Variants in KSR2 observed in about 807,000 individuals in gnomAD.
The protein encoded by KSR2 is kinase suppressor of ras 2.
A neutral mutation model predicts 107.8 loss-of-function variants in KSR2; 25 were observed. The observed-to-expected ratio is 0.23, with a 90% CI of 0.17 to 0.32. KSR2 has a LOEUF of 0.32. Ranked by LOEUF, KSR2 falls within the 10% of genes least tolerant of loss-of-function variation. The pLI, the probability that KSR2 is intolerant of heterozygous loss-of-function variation, is 1.00. For synonymous variants in KSR2, 480 were observed against 507.0 expected, an observed-to-expected ratio of 0.95 and a Z score of 0.71; for missense variants, 887 against 1,268.9, an observed-to-expected ratio of 0.70 and a Z score of 4.57.
chr12:117,483,803 C>T (rs922002123), intron 16 of KSR2, among the ~76,000 whole-genome samples: 2 of 152,156 alleles, frequency 1.3e-5, no homozygotes, highest in Non-Finnish European at 2.9e-5. Flanking sequence ...CTACCCTTTG[C>T]GGAGCTTTTG....
chr12:117,655,347 C>T (rs1210999830), intron 5 of KSR2, among the ~76,000 whole-genome samples: 6 of 152,204 alleles, frequency 3.9e-5, no homozygotes, highest in African/African-American at 1.4e-4. Context: ...TACCATGTTC[C>T]CCATCATCCT....
chr12:117,673,338 TG>T (rs1275417041), intron 4 of KSR2, among the ~76,000 whole-genome samples: 3 of 150,122 alleles, frequency 2.0e-5, no homozygotes, highest in Non-Finnish European at 4.4e-5. Context: ...GAAGGGAGGA[TG>T]GGGGAGGAAG....
Position 117,462,411 on chromosome 12 carries a change from T to C in KSR2, c.*4788A>G, listed in dbSNP as rs1223813267. ...TCGTGTCCTTATAAGAAGATGGCCA[T>C]ATGAAGATAGGGACACACAGAGAGA... On this transcript the variant is annotated 3_prime_UTR_variant, in exon 20 of 20. Transcript: ENST00000339824. 1.3e-5 allele frequency: 2 copies of C among 151,878 alleles called. No individual in the cohort carries two copies. The highest frequency in any genetic ancestry group is 2.9e-5 in the Non-Finnish European group (2 of 68,010). 9.4% of individuals were successfully genotyped at this position (151,878 alleles called of 1,614,324 possible).
chr12:117,836,988 T>C (rs906582401), intron 3 of KSR2, among the ~76,000 whole-genome samples: 4 of 152,250 alleles, frequency 2.6e-5, no homozygotes, highest in Admixed American at 2.6e-4. Context: ...TGCATTTCAA[T>C]GTTCCTTCTT....
At chr12:117,668,743 A>T (rs1884775427) in intron 4 of KSR2, among the ~76,000 whole-genome samples, 1 of 152,142 alleles carries the variant, frequency 6.6e-6, no homozygotes, top group South Asian at 2.1e-4. Flanking sequence ...TATCATTATT[A>T]TATTATGGAT....
intron 8 of KSR2, 82 bp downstream of exon 8, chr12:117,558,424 A>C: frequency 1.8e-6 from 2 of 1,089,588 alleles, no homozygotes; most frequent in Non-Finnish European, 2.8e-6. Flanking sequence ...TTCAGAACCA[A>C]CCTGATGGGA....
rs554428353 is a variant in KSR2, at chr12:117,731,785, T to C, written c.986+29226A>G. Among the ~76,000 whole-genome samples the C allele has an allele frequency of 4.5e-4, 68 of 151,618 alleles. No individual in the cohort carries two copies. The South Asian group carries it at 5.7e-3, about 13-fold the overall frequency. ...TGTGCTGTGTCCACTCAGGGTTAAA[T>C]GGATTAAGGGCGGTGCAAGATGTGC... On this transcript the variant is annotated intron_variant, in intron 4 of 19. Transcript: ENST00000339824.
In KSR2 at chr12:117,746,405, T is replaced by C. The variant is rs1040734509; in HGVS notation, c.986+14606A>G. ...TGCAGAAAACAGAAACTGGACCCCT[T>C]CCTTACACTGCATACAAAAATTAAC... On this transcript the variant is annotated intron_variant, in intron 4 of 19. Transcript: ENST00000339824. Among the ~76,000 whole-genome samples the C allele has an allele frequency of 7.9e-4, 120 of 152,106 alleles. 1 individual carries two copies. The highest frequency in any genetic ancestry group is 2.5e-4 in the Non-Finnish European group (17 of 68,018).
At chr12:117,675,141 T>G (rs1885065571) in intron 4 of KSR2, among the ~76,000 whole-genome samples, 1 of 152,158 alleles carries the variant, frequency 6.6e-6, no homozygotes, top group Non-Finnish European at 1.5e-5. Flanking sequence ...TTAGAATGCA[T>G]CCCAGCTGGA....
At chr12:117,908,871 C>T (rs962618342) in intron 1 of KSR2, among the ~76,000 whole-genome samples, 5 of 152,146 alleles carry the variant, frequency 3.3e-5, no homozygotes, top group Admixed American at 2.0e-4. Flanking sequence ...AGTGAAATGT[C>T]CTACTCAATT....
At chr12:117,605,900 A>T (rs1881203000) in intron 5 of KSR2, among the ~76,000 whole-genome samples, 1 of 152,198 alleles carries the variant, frequency 6.6e-6, no homozygotes, top group Admixed American at 6.5e-5. Flanking sequence ...GCGTGTTCTC[A>T]CTTATAAGTG....
chr12:117,630,405 G>A (rs1882749360), intron 5 of KSR2, among the ~76,000 whole-genome samples: 1 of 152,134 alleles, frequency 6.6e-6, no homozygotes, highest in African/African-American at 2.4e-5. Flanking sequence ...ACATGTGTGT[G>A]CATGTGTAAA....
chr12:117,467,925 T>TG (rs1871239608), intron 19 of KSR2: 2 of 373,196 alleles, frequency 5.4e-6, no homozygotes, highest in Non-Finnish European at 1.0e-5. Context: ...CTGTGTTTTT[T>TG]TTTTTTTTTT....
chr12:117,909,493 T>C (rs1894952446), intron 1 of KSR2, among the ~76,000 whole-genome samples: 1 of 152,248 alleles, frequency 6.6e-6, no homozygotes. Context: ...AAGTGTGGTA[T>C]GTGTATGCCT....
intron 1 of KSR2, among the ~76,000 whole-genome samples, chr12:117,872,571 A>G (rs1893686605): frequency 6.6e-6 from 1 of 152,144 alleles, no homozygotes; most frequent in African/African-American, 2.4e-5. Flanking sequence ...TCTCCAAAAA[A>G]AAAAAAAAAT....
intron 1 of KSR2, among the ~76,000 whole-genome samples, chr12:117,930,986 G>C (rs1226932607): frequency 6.6e-6 from 1 of 152,060 alleles, no homozygotes; most frequent in Non-Finnish European, 1.5e-5. Flanking sequence ...GTCTTTCACT[G>C]GTAAATGCTC....
chr12:117,910,372 C>A (rs762271798), intron 1 of KSR2, among the ~76,000 whole-genome samples: 1 of 152,134 alleles, frequency 6.6e-6, no homozygotes, highest in Non-Finnish European at 1.5e-5. Context: ...AATAAAAACA[C>A]CTGCCTCACA....
At position 117,962,834 on chromosome 12, in the gene KSR2, T is replaced by C. The variant is rs777276443; in HGVS notation, c.180+5242A>G. On this transcript the variant is annotated intron_variant, in intron 1 of 19. Transcript: ENST00000339824. The stretch of plus-strand genomic sequence containing the variant: ...AATCAAAAGAAAAATATTCATGACA[T>C]GCAAAAAGTATATCAATTTCAAGTT... 4.5e-4 allele frequency among the ~76,000 whole-genome samples: 69 copies of C among 151,972 alleles called. 1 individual carries two copies. Among genetic ancestry groups the C allele is most frequent in the Middle Eastern group, 6.8e-3 (2 of 292 alleles).
intron 4 of KSR2, among the ~76,000 whole-genome samples, chr12:117,735,352 C>T (rs1887899841): frequency 6.6e-6 from 1 of 152,164 alleles, no homozygotes; most frequent in Non-Finnish European, 1.5e-5. Flanking sequence ...CATTCCCTCC[C>T]AGAAGCCTGG....
Sources: allele counts gnomAD v4.1 joint callset (sites outside exome capture counted in the v4.1 genomes callset), GRCh38; gene constraint gnomAD v4.1.1; transcripts MANE v1.5; gene names NCBI Gene and HGNC (gene_info 2026-07-23, HGNC 2026-07-21).